ZNF410: variants seen among roughly 807,000 people sequenced by gnomAD.
The protein encoded by ZNF410 is zinc finger protein 410, also known as another partner for ARF 1.
In ZNF410, 18 loss-of-function variants were observed where a neutral mutation model predicts 54.8. That is an observed-to-expected ratio of 0.33 (90% confidence interval 0.23 to 0.49). The LOEUF (loss-of-function observed/expected upper bound fraction) is 0.49, where lower values mean the gene tolerates loss of function less well. Among genes scored for constraint, ZNF410 ranks in the 20% least tolerant of loss-of-function variants. The pLI is 0.99. For synonymous variants in ZNF410, 191 were observed against 207.3 expected (o/e 0.92, Z 0.68); for missense variants, 405 against 569.6 (o/e 0.71, Z 2.94).
At chr14:73,915,801 G>A (rs190385968) in intron 8 of ZNF410, 1 of 152,266 alleles carries the variant, frequency 6.6e-6, no homozygotes. Context: ...TCTTGTTTTT[G>A]TACTGTATGC....
chr14:73,900,571 A>T (rs944324202), intron 5 of ZNF410, among the ~76,000 whole-genome samples: 1 of 151,968 alleles, frequency 6.6e-6, no homozygotes, highest in African/African-American at 2.4e-5. Context: ...ACAGGGTTTC[A>T]CCGTGTTGGC....
intron 9 of ZNF410, 93 bp downstream of exon 9, chr14:73,921,198 T>C (rs953194535): frequency 4.5e-6 from 7 of 1,549,256 alleles, no homozygotes; most frequent in Non-Finnish European, 6.1e-6. Context: ...AATTTTCTGA[T>C]TCTGTTTTGG....
At chr14:73,927,833 T>G (rs1343945585) in intron 11 of ZNF410, 4 of 4,670 alleles carry the variant, frequency 8.6e-4, no homozygotes, top group Non-Finnish European at 2.5e-3. Flanking sequence ...CAACCGGCAA[T>G]TTTTTTTTTT....
chr14:73,887,308 A>G (rs1242269516), intron 1 of ZNF410: 2 of 152,292 alleles, frequency 1.3e-5, no homozygotes, highest in African/African-American at 4.8e-5. Context: ...AGAGGATGCC[A>G]GGAGGCCTTG....
At position 73,922,076 on chromosome 14, in the gene ZNF410, A is replaced by G. The variant is rs776633597; in HGVS notation, c.1140A>G (p.Leu380=). 3 of 1,614,004 alleles carry G rather than the reference A, an allele frequency of 1.9e-6. No individual in the cohort carries two copies. Among genetic ancestry groups the G allele is most frequent in the East Asian group, 2.2e-5 (1 of 44,882 alleles). ...SQEQEQTAEP[L]MGSSLLEEAS... ...CTATTCTCTGTGCAGCTGAGCCACT[A>G]ATGGGCAGTAGTTTGCTTGAAGAGG... Residue 380 remains leucine (L), a synonymous_variant, in exon 10 of 12, where the codon CTA becomes CTG. Coordinates refer to ENST00000555044, the MANE Select transcript of ZNF410 (RefSeq NM_021188.3).
rs2055317372 is a variant in ZNF410, at chr14:73,896,355, C to G, written c.209C>G (p.Pro70Arg). 4 of 1,614,042 alleles carry G rather than the reference C, an allele frequency of 2.5e-6. No homozygotes were observed. The highest frequency in any genetic ancestry group is 1.3e-5 in the African/African-American group (1 of 74,912). Residue 70 changes from proline (P) to arginine (R), a missense_variant, in exon 4 of 12, where the codon CCT (proline) becomes CGT (arginine). Coordinates refer to ENST00000555044, the MANE Select transcript of ZNF410 (RefSeq NM_021188.3). ...CATTCTAACTCCTCCAAGGAGGTCCCTTCCTCAGCTGTTTTGAGAAGCCTT... is the reference window on the plus strand; with the variant it reads ...CATTCTAACTCCTCCAAGGAGGTCCGTTCCTCAGCTGTTTTGAGAAGCCTT... ...TNHSNSSKEV[P>R]SSAVLRSLRV...
intron 11 of ZNF410, among the ~76,000 whole-genome samples, chr14:73,928,863 A>G (rs1441696602): frequency 1.3e-5 from 2 of 152,102 alleles, no homozygotes; most frequent in Non-Finnish European, 2.9e-5. Context: ...CAGGAGGATC[A>G]ACTTGAGCCC....
chr14:73,918,526 A>G (rs946160041), intron 8 of ZNF410, among the ~76,000 whole-genome samples: 2 of 152,004 alleles, frequency 1.3e-5, no homozygotes, highest in African/African-American at 2.4e-5. Context: ...ACAACATTTC[A>G]TCATCCCAAA....
At chr14:73,904,240 C>CT (rs777030539) in intron 6 of ZNF410, 130 bp downstream of exon 6, 38 of 886,078 alleles carry the variant, frequency 4.3e-5, no homozygotes, top group Non-Finnish European at 6.2e-5. Flanking sequence ...GTTAAGATAT[C>CT]TTTTTTTCTT....
intron 7 of ZNF410, chr14:73,906,399 T>C (rs2055491402): frequency 6.6e-6 from 1 of 152,188 alleles, no homozygotes; most frequent in African/African-American, 2.4e-5. Flanking sequence ...GAACATCAGT[T>C]GAGATAACTC....
chr14:73,902,129 C>T (rs186574977), intron 5 of ZNF410: 33 of 146,804 alleles, frequency 2.2e-4, no homozygotes, highest in African/African-American at 8.3e-4. Context: ...AGTGCAGTGG[C>T]GCGATCTCGG....
At chr14:73,923,256 A>G (rs2055780478) in intron 10 of ZNF410, 139 bp from the exon 11 acceptor site, 6 of 957,450 alleles carry the variant, frequency 6.3e-6, no homozygotes, top group Admixed American at 3.6e-5. Flanking sequence ...CTTATCAGAC[A>G]GGATTAACTT....
chr14:73,927,984 G>A, intron 11 of ZNF410: 1 of 173,284 alleles, frequency 5.8e-6, no homozygotes, highest in Non-Finnish European at 1.3e-5. Context: ...ATTACAGGCG[G>A]CCACCACCAC....
At chr14:73,928,676 G>T (rs1036227278) in intron 11 of ZNF410, among the ~76,000 whole-genome samples, 3 of 152,152 alleles carry the variant, frequency 2.0e-5, no homozygotes, top group African/African-American at 7.2e-5. Context: ...GGGTGTGGTG[G>T]ATCATGTCTA....
intron 8 of ZNF410, among the ~76,000 whole-genome samples, chr14:73,917,740 T>C (rs1251478666): frequency 2.6e-5 from 4 of 152,102 alleles, no homozygotes; most frequent in Non-Finnish European, 5.9e-5. Flanking sequence ...CAAGAATCAC[T>C]TGAACCTGGG....
chr14:73,917,752 G>A (rs541354817), intron 8 of ZNF410, among the ~76,000 whole-genome samples: 1 of 152,122 alleles, frequency 6.6e-6, no homozygotes, highest in East Asian at 1.9e-4. Context: ...GAACCTGGGA[G>A]GGGGAGGTTG....
intron 5 of ZNF410, among the ~76,000 whole-genome samples, chr14:73,900,917 G>T (rs768832023): frequency 5.9e-5 from 9 of 152,270 alleles, no homozygotes; most frequent in Admixed American, 1.3e-4. Flanking sequence ...TCTTCTTTCA[G>T]TGTGGCTCAG....
In ZNF410 at chr14:73,892,098, T is replaced by C. The variant is rs1336623850; in HGVS notation, c.-78T>C. 1.4e-6 allele frequency: 2 copies of C among 1,449,682 alleles called. No homozygotes were observed. Among genetic ancestry groups the C allele is most frequent in the African/African-American group, 1.4e-5 (1 of 71,566 alleles). 89.8% of individuals were successfully genotyped at this position (1,449,682 alleles called of 1,614,324 possible). ...AGTATTTCCTAGAGGAATATGAACA[T>C]AACAGGAAGGTATCATTGGCTCTGA... is the stretch of plus-strand genomic sequence containing the variant. On this transcript the variant is annotated 5_prime_UTR_variant, in exon 2 of 12. Coordinates refer to ENST00000555044, the MANE Select transcript of ZNF410 (RefSeq NM_021188.3).
At chr14:73,901,580 ATC>A (rs2055406740) in intron 5 of ZNF410, among the ~76,000 whole-genome samples, 2 of 151,938 alleles carry the variant, frequency 1.3e-5, no homozygotes, top group South Asian at 4.2e-4. Flanking sequence ...TTCTTATTGT[ATC>A]TATAAAACGG....
Sources: gnomAD v4.1 joint callset for allele counts (sites outside exome capture counted in the v4.1 genomes callset) on GRCh38, gnomAD v4.1.1 for gene constraint, MANE v1.5 for transcripts, NCBI Gene and HGNC (gene_info 2026-07-23, HGNC 2026-07-21) for gene names.